CRYBG3: variants seen among roughly 807,000 people sequenced by gnomAD.
CRYBG3 encodes the protein very large A-kinase anchor protein.
CRYBG3 carries 127 observed loss-of-function variants against 244.2 expected under a neutral mutation model. That is an observed-to-expected ratio of 0.52 (90% CI 0.45 to 0.60). The LOEUF is 0.60. Among genes scored for constraint, CRYBG3 ranks in the 20% least tolerant of loss-of-function variants. The pLI is 0.00. For synonymous variants in CRYBG3, 1,132 were observed against 1,195.8 expected (o/e 0.95, Z 1.10); for missense variants, 3,325 against 3,442.5 (o/e 0.97, Z 0.85).
intron 17 of CRYBG3, among the ~76,000 whole-genome samples, chr3:97,931,196 T>G (rs2107095721): frequency 6.6e-6 from 1 of 152,236 alleles, no homozygotes; most frequent in Middle Eastern, 3.4e-3. Flanking sequence ...AGATTTTAAC[T>G]TCATTTCTGA....
At chr3:97,833,486 C>G (rs755459884) in intron 1 of CRYBG3, among the ~76,000 whole-genome samples, 6 of 152,114 alleles carry the variant, frequency 3.9e-5, no homozygotes, top group Non-Finnish European at 7.4e-5. Context: ...ACCACGTGTT[C>G]TTACTCATAA....
rs2040307921 is a variant in CRYBG3, at chr3:97,944,562, G to C, written c.*1248G>C. ...TTTAAACTCGAAGACCCACTATTTT[G>C]AGTATTTTTTATAGACTTTAAATAC... On this transcript the variant is annotated 3_prime_UTR_variant, in exon 22 of 22. Transcript: ENST00000389622. 1 of 152,194 alleles carries C rather than the reference G, an allele frequency of 6.6e-6. No homozygotes were observed. The highest frequency in any genetic ancestry group is 1.5e-5 in the Non-Finnish European group (1 of 67,854). The allele number at this position is 152,194 out of a possible 1,614,324, so 9.4% of individuals were successfully genotyped here.
intron 15 of CRYBG3, among the ~76,000 whole-genome samples, chr3:97,907,922 G>A (rs542510792): frequency 7.2e-5 from 11 of 151,746 alleles, no homozygotes; most frequent in Admixed American, 3.9e-4. Flanking sequence ...CTTTGAATGC[G>A]TCCCAGAGAT....
chr3:97,856,614 T>C (rs2039068849), intron 2 of CRYBG3, among the ~76,000 whole-genome samples: 1 of 152,198 alleles, frequency 6.6e-6, no homozygotes, highest in Non-Finnish European at 1.5e-5. Flanking sequence ...TGCCATGGCT[T>C]CAGCCGGTCC....
chr3:97,852,530 TG>T, intron 2 of CRYBG3, among the ~76,000 whole-genome samples: 1 of 152,286 alleles, frequency 6.6e-6, no homozygotes, highest in East Asian at 1.9e-4. Context: ...GTAACTCCTT[TG>T]TAACGAGGTT....
intron 15 of CRYBG3, among the ~76,000 whole-genome samples, chr3:97,901,218 G>A (rs747978361): frequency 8.5e-5 from 13 of 152,142 alleles, no homozygotes; most frequent in Non-Finnish European, 1.5e-4. Flanking sequence ...ATCATGATAC[G>A]AGCAGTACAA....
chr3:97,824,753 C>T (rs563790949), intron 1 of CRYBG3, among the ~76,000 whole-genome samples: 1 of 152,222 alleles, frequency 6.6e-6, no homozygotes, highest in South Asian at 2.1e-4. Context: ...GGTGGTTGAC[C>T]ATTTCCAGGA....
chr3:97,901,880 C>G (rs2039710334), intron 15 of CRYBG3, among the ~76,000 whole-genome samples: 1 of 152,166 alleles, frequency 6.6e-6, no homozygotes, highest in South Asian at 2.1e-4. Flanking sequence ...AGCTCCACTT[C>G]ATTTTTCTGG....
rs578259876 is a variant in CRYBG3 at position 97,901,094 on chromosome 3, C to T, written c.8004+609C>T. Among the ~76,000 whole-genome samples the T allele has an allele frequency of 3.9e-5, 6 of 152,194 alleles. No homozygotes were observed. In the East Asian group the frequency reaches 1.2e-3, roughly 29 times the overall value. On this transcript the variant is annotated intron_variant, in intron 15 of 21. Transcript: ENST00000389622. ...ATTTATAGACAATAAATCTGAGATT[C>T]AGAATACAAGTAAGTGCTATACACA...
At chr3:97,936,687 GA>G in intron 18 of CRYBG3, 97 bp from the exon 19 acceptor site, 3 of 1,249,658 alleles carry the variant, frequency 2.4e-6, no homozygotes, top group Non-Finnish European at 3.3e-6. Flanking sequence ...TGCAAACCTA[GA>G]AGTTTATGAA....
intron 17 of CRYBG3, among the ~76,000 whole-genome samples, chr3:97,929,464 C>T (rs565954784): frequency 6.6e-6 from 1 of 151,906 alleles, no homozygotes; most frequent in Non-Finnish European, 1.5e-5. Context: ...TCATCCTGCC[C>T]AGGTTAGCAC....
At chr3:97,926,098 C>G (rs1390706012) in intron 17 of CRYBG3, among the ~76,000 whole-genome samples, 5 of 152,002 alleles carry the variant, frequency 3.3e-5, no homozygotes. Context: ...AATACCAAAA[C>G]CTGACAGAAA....
At chr3:97,925,582 A>G (rs1365014219) in intron 17 of CRYBG3, among the ~76,000 whole-genome samples, 1 of 152,130 alleles carries the variant, frequency 6.6e-6, no homozygotes, top group Non-Finnish European at 1.5e-5. Context: ...AGGCTACTAA[A>G]GATGTTACAA....
intron 3 of CRYBG3, among the ~76,000 whole-genome samples, chr3:97,865,157 A>G (rs1270429466): frequency 1.3e-5 from 2 of 152,174 alleles, no homozygotes; most frequent in African/African-American, 4.8e-5. Flanking sequence ...TCATTGTTTG[A>G]TTAACAAACA....
chr3:97,940,052 G>A (rs988739304), intron 19 of CRYBG3, among the ~76,000 whole-genome samples: 2 of 152,008 alleles, frequency 1.3e-5, no homozygotes, highest in Admixed American at 1.3e-4. Flanking sequence ...TCTCTTAAGA[G>A]ACCATTTGTT....
At chr3:97,841,267 C>T (rs2038811601) in intron 1 of CRYBG3, among the ~76,000 whole-genome samples, 1 of 147,402 alleles carries the variant, frequency 6.8e-6, no homozygotes, top group Non-Finnish European at 1.5e-5. Flanking sequence ...TGTGTATACA[C>T]ATATATGTAC....
Position 97,877,949 on chromosome 3 carries a change from G to A in CRYBG3, c.6755G>A (p.Gly2252Glu). 6.2e-7 allele frequency: 1 copy of A among 1,614,102 alleles called. No homozygotes were observed. The highest frequency in any genetic ancestry group is 1.1e-5 in the South Asian group (1 of 91,074). Reference protein sequence around the residue: ...QTSQSHSSEKGARFGGIFQEP... With the variant: ...QTSQSHSSEKEARFGGIFQEP... Reference sequence around the variant, plus strand: ...TCCCAAAGTCATTCCTCAGAAAAAGGAGCCAGATTTGGTGGAATTTTTCAG... The same window carrying A: ...TCCCAAAGTCATTCCTCAGAAAAAGAAGCCAGATTTGGTGGAATTTTTCAG... The change falls in exon 4 of 22, where the codon GGA (glycine) becomes GAA (glutamate). Residue 2252 changes from glycine to glutamate, a missense_variant. Transcript: ENST00000389622.
intron 1 of CRYBG3, among the ~76,000 whole-genome samples, chr3:97,832,838 C>T (rs969693240): frequency 6.6e-6 from 1 of 152,064 alleles, no homozygotes; most frequent in Non-Finnish European, 1.5e-5. Flanking sequence ...GGGCTAATAT[C>T]CAGAATCTAC....
Position 97,912,238 on chromosome 3 carries a change from T to C in CRYBG3, c.8076T>C (p.Thr2692=), listed in dbSNP as rs770867527. The change falls in exon 16 of 22, where the codon ACT becomes ACC. Residue 2692 remains threonine, a synonymous_variant. Transcript: ENST00000389622. The part of the protein sequence containing the change: ...IDFTEETSDL[T]SLMPCSFKVL... Reference sequence around the variant, plus strand: ...TTACAGAAGAAACTTCTGATTTGACTTCACTCATGCCATGTTCTTTTAAAG... The same window carrying C: ...TTACAGAAGAAACTTCTGATTTGACCTCACTCATGCCATGTTCTTTTAAAG... 1 of 1,608,232 alleles carries C rather than the reference T, an allele frequency of 6.2e-7. No homozygotes were observed. The highest frequency in any genetic ancestry group is 1.3e-5 in the African/African-American group (1 of 74,794).
Sources: gnomAD v4.1 joint callset for allele counts (sites outside exome capture counted in the v4.1 genomes callset) on GRCh38, gnomAD v4.1.1 for gene constraint, MANE v1.5 for transcripts, NCBI Gene and HGNC (gene_info 2026-07-23, HGNC 2026-07-21) for gene names.